PAX2: variants seen among roughly 807,000 people sequenced by gnomAD.
PAX2 encodes the protein paired box 2, also known as paired box protein Pax-2.
Under a neutral mutation model 41.7 loss-of-function variants are expected in PAX2, and 9 were observed. The observed-to-expected ratio is 0.22, with a 90% confidence interval of 0.13 to 0.38. The LOEUF is 0.38. PAX2 is among the 10% of genes least tolerant of loss of function. PAX2 has a pLI of 1.00. For synonymous variants in PAX2, 221 were observed against 212.7 expected, an observed-to-expected ratio of 1.04 and a Z score of -0.34; for missense variants, 418 against 531.6, an observed-to-expected ratio of 0.79 and a Z score of 2.10.
chr10:100,753,592 C>A (rs1845526962), intron 3 of PAX2, among the ~76,000 whole-genome samples: 1 of 152,112 alleles, frequency 6.6e-6, no homozygotes, highest in African/African-American at 2.4e-5. Context: ...TAGTGACCTG[C>A]CCACTTGTGT....
intron 3 of PAX2, among the ~76,000 whole-genome samples, chr10:100,770,428 G>A (rs1187811966): frequency 3.3e-5 from 5 of 152,188 alleles, no homozygotes; most frequent in African/African-American, 9.7e-5. Context: ...AGTCTGTCAC[G>A]CTCTGGGCTT....
intron 6 of PAX2, among the ~76,000 whole-genome samples, chr10:100,807,667 G>A (rs539135286): frequency 1.2e-4 from 18 of 152,022 alleles, no homozygotes; most frequent in African/African-American, 4.3e-4. Context: ...ACCCACATAC[G>A]CTGGGTGGAG....
At chr10:100,744,022 T>C (rs1845055091), upstream of PAX2, among the ~76,000 whole-genome samples, 1 of 152,114 alleles carries the variant, frequency 6.6e-6, no homozygotes, top group African/African-American at 2.4e-5. Flanking sequence ...AGTGAGAGGC[T>C]CAGAACCTCG....
chr10:100,814,931 C>T (rs1330028455), intron 7 of PAX2, among the ~76,000 whole-genome samples: 1 of 152,188 alleles, frequency 6.6e-6, no homozygotes, highest in East Asian at 1.9e-4. Context: ...GTAGGGGAGG[C>T]CAGAGAGGCA....
chr10:100,792,713 T>G (rs778968622), intron 5 of PAX2, among the ~76,000 whole-genome samples: 1 of 149,356 alleles, frequency 6.7e-6, no homozygotes, highest in Non-Finnish European at 1.5e-5. Flanking sequence ...TTCTCCCCCC[T>G]GCTCTCTCCC....
chr10:100,811,214 T>A (rs982942195), intron 7 of PAX2, among the ~76,000 whole-genome samples: 1 of 152,224 alleles, frequency 6.6e-6, no homozygotes, highest in Non-Finnish European at 1.5e-5. Context: ...GGATTAATAG[T>A]GCCATTACCC....
chr10:100,759,903 C>T (rs34187063), intron 3 of PAX2, among the ~76,000 whole-genome samples: 23,692 of 152,120 alleles, frequency 0.16, 2,360 homozygotes, highest in Middle Eastern at 0.32. Flanking sequence ...GCCCAACTGC[C>T]CAGCCCATAC....
chr10:100,766,138 T>G (rs560008339), intron 3 of PAX2, among the ~76,000 whole-genome samples: 1 of 152,248 alleles, frequency 6.6e-6, no homozygotes, highest in Non-Finnish European at 1.5e-5. Context: ...TTTGAACCCA[T>G]GCAGTCCTGG....
At chr10:100,767,639 T>C (rs537261538) in intron 3 of PAX2, among the ~76,000 whole-genome samples, 1 of 152,272 alleles carries the variant, frequency 6.6e-6, no homozygotes, top group South Asian at 2.1e-4. Flanking sequence ...CTGCAAGCAA[T>C]TTTAATATTT....
chr10:100,805,819 C>T (rs375500917), intron 5 of PAX2, among the ~76,000 whole-genome samples: 1 of 152,206 alleles, frequency 6.6e-6, no homozygotes, highest in African/African-American at 2.4e-5. Flanking sequence ...AGCGACACCT[C>T]TTTCCTCCCG....
At chr10:100,797,502 G>A (rs933750983) in intron 5 of PAX2, among the ~76,000 whole-genome samples, 5 of 152,346 alleles carry the variant, frequency 3.3e-5, no homozygotes, top group African/African-American at 1.2e-4. Context: ...AATTAAGTGA[G>A]TTAATATATG....
Position 100,824,805 on chromosome 10 carries a change from G to T in PAX2, c.1021+56G>T. The T allele has an allele frequency of 1.3e-6, 2 of 1,496,104 alleles. No individual in the cohort carries two copies. The highest frequency in any genetic ancestry group is 3.3e-5 in the Admixed American group (2 of 59,882). 92.7% of individuals were successfully genotyped at this position (1,496,104 alleles called of 1,614,324 possible). On this transcript the variant is annotated intron_variant, in intron 8 of 9. Transcript: ENST00000355243. This position sits in a 1 kb window ranked among gnomAD's most constrained non-coding sequence, Gnocchi z 6.6. ...AGGTGGGGGGAACTAAATTGTGGGTGAGCTGCTGAATGGTCTGTAGTCTGA... is the reference window on the plus strand; with the variant it reads ...AGGTGGGGGGAACTAAATTGTGGGTTAGCTGCTGAATGGTCTGTAGTCTGA...
At chr10:100,739,083 G>A (rs1458558756) in intron 1 of PAX2, among the ~76,000 whole-genome samples, 4 of 150,394 alleles carry the variant, frequency 2.7e-5, no homozygotes, top group Non-Finnish European at 5.9e-5. Flanking sequence ...CTCAGCAGCA[G>A]CCCTAGCCCC....
At chr10:100,781,489 G>T in intron 5 of PAX2, 124 bp downstream of exon 5, 1 of 1,023,050 alleles carries the variant, frequency 9.8e-7, no homozygotes, top group Non-Finnish European at 1.5e-6. Context: ...CAAAGCCCAG[G>T]TCCCCCCACT....
In PAX2 at chr10:100,813,344, A is replaced by G. The variant is rs930066153; in HGVS notation, c.919+4108A>G. Among the ~76,000 whole-genome samples, 3 of 152,252 alleles carry G rather than the reference A, an allele frequency of 2.0e-5. No individual in the cohort carries two copies. In the South Asian group the frequency reaches 6.2e-4, roughly 31 times the overall value. ...CCCAGGCAGGCTACCTCACCAAAACATAACTGAATAAAATATAACAACAAA... is the reference window on the plus strand; with the variant it reads ...CCCAGGCAGGCTACCTCACCAAAACGTAACTGAATAAAATATAACAACAAA... On this transcript the variant is annotated intron_variant, in intron 7 of 9. Transcript: ENST00000355243.
intron 3 of PAX2, among the ~76,000 whole-genome samples, chr10:100,767,005 A>G (rs1424089410): frequency 2.6e-5 from 4 of 152,254 alleles, no homozygotes; most frequent in African/African-American, 9.6e-5. Context: ...TGTTACACAA[A>G]GTGCAGCCAC....
rs1848685890 is a variant in PAX2, at chr10:100,828,985, GCTGT to G, written c.*1371_*1374del. The G allele has an allele frequency of 7.2e-6, 1 of 138,046 alleles. No individual in the cohort carries two copies. The highest frequency in any genetic ancestry group is 2.8e-4 in the South Asian group (1 of 3,568). The allele number at this position is 138,046 out of a possible 1,614,324, so 8.6% of individuals were successfully genotyped here. ...CCGGCCCTGCCTGTAGATACGCCCC[GCTGT>G]CTGTGCTGTGAGAGTCGCCGCTCGC... On this transcript the variant is annotated 3_prime_UTR_variant, in exon 10 of 10. Coordinates refer to ENST00000355243, the MANE Select transcript of PAX2 (RefSeq NM_000278.5). The surrounding 1 kb of genome is among the most constrained non-coding windows in gnomAD (Gnocchi z 6.5).
chr10:100,753,418 A>AT (rs1173068270), intron 3 of PAX2, among the ~76,000 whole-genome samples: 7 of 152,336 alleles, frequency 4.6e-5, no homozygotes, highest in African/African-American at 1.7e-4. Flanking sequence ...CAAAAGCCTG[A>AT]TAAAAACAGG....
chr10:100,766,261 A>G (rs139366497), intron 3 of PAX2, among the ~76,000 whole-genome samples: 2 of 152,330 alleles, frequency 1.3e-5, no homozygotes, highest in Non-Finnish European at 2.9e-5. Flanking sequence ...GCAGTCTCTT[A>G]CAAGCTCAAA....
Sources: gnomAD v4.1 joint callset for allele counts (sites outside exome capture counted in the v4.1 genomes callset) on GRCh38, gnomAD v4.1.1 for gene constraint, Gnocchi (gnomAD v3.1) non-coding constraint, MANE v1.5 for transcripts, NCBI Gene and HGNC (gene_info 2026-07-23, HGNC 2026-07-21) for gene names.